Variants in CHRND observed in about 807,000 individuals in gnomAD.
CHRND encodes cholinergic receptor nicotinic delta subunit, also known as acetylcholine receptor subunit delta.
CHRND carries 40 observed loss-of-function variants against 57.8 expected under a neutral mutation model. The ratio of observed to expected loss-of-function variants is 0.69; its 90% CI spans 0.54 to 0.90. The LOEUF (loss-of-function observed/expected upper bound fraction) is 0.90, where lower values mean the gene tolerates loss of function less well. Ranked by LOEUF, CHRND falls within the 40% of genes least tolerant of loss-of-function variation. The pLI is 0.00. For missense variants in CHRND, 634 were observed against 673.9 expected (o/e 0.94, Z 0.66); for synonymous variants, 237 against 270.6 (o/e 0.88, Z 1.22).
At chr2:232,534,477 C>T in intron 11 of CHRND, 135 bp downstream of exon 11, 1 of 921,470 alleles carries the variant, frequency 1.1e-6, no homozygotes, top group Non-Finnish European at 1.7e-6. Flanking sequence ...ACACAGATTC[C>T]AGGCCCCCCC....
At chr2:232,527,547 A>G in intron 3 of CHRND, 102 bp downstream of exon 3, 1 of 884,784 alleles carries the variant, frequency 1.1e-6, no homozygotes. Context: ...GATCAAGACC[A>G]TCTTGGCTGA....
rs916036578 is a variant in CHRND, at chr2:232,535,538, C to T, written c.*226C>T. On this transcript the variant is annotated 3_prime_UTR_variant, in exon 12 of 12. Transcript: ENST00000258385. ...CATCGGCTACAGTGGGTGGGCAGGA[C>T]GATTTGGGGGGAGGCCCGAGGCTGG... is the stretch of plus-strand genomic sequence containing the variant. 4.1e-5 allele frequency: 29 copies of T among 705,370 alleles called. No homozygotes were observed. Among genetic ancestry groups the T allele is most frequent in the South Asian group, 4.5e-5 (3 of 66,950 alleles). 43.7% of individuals were successfully genotyped at this position (705,370 alleles called of 1,614,324 possible). A position where few individuals can be genotyped will look rare whatever the true frequency, so the allele number is the denominator to read the frequency against.
chr2:232,530,190 C>T (rs763425039), intron 7 of CHRND, 51 bp downstream of exon 7: 2 of 1,572,366 alleles, frequency 1.3e-6, no homozygotes, highest in South Asian at 2.2e-5. Flanking sequence ...CCCACCTGAG[C>T]ACAGCCAGCC....
At chr2:232,531,109 T>C (rs139301705) in intron 7 of CHRND, among the ~76,000 whole-genome samples, 52 of 152,218 alleles carry the variant, frequency 3.4e-4, no homozygotes, top group African/African-American at 1.1e-3. Context: ...ATTTAACAGT[T>C]GAGAAAACTG....
rs763545645 is a variant in CHRND at position 232,533,899 on chromosome 2, G to A, written c.1048-32G>A. 1.8e-5 allele frequency: 29 copies of A among 1,604,106 alleles called. No homozygotes were observed. In the East Asian group the frequency reaches 3.3e-4, roughly 19 times the overall value. On this transcript the variant is annotated intron_variant, in intron 9 of 11. Transcript: ENST00000258385. ...TCAAAAACAAAGAACAAAAAACAAC[G>A]CCTTTCTTGTGGCCCCTTGACATGG...
intron 11 of CHRND, 84 bp from the exon 12 acceptor site, chr2:232,535,046 C>A: frequency 6.5e-7 from 1 of 1,538,822 alleles, no homozygotes; most frequent in South Asian, 1.1e-5. Flanking sequence ...CCGCCCTCTG[C>A]CTCCATGGCT....
chr2:232,532,555 C>A (rs1270770537), intron 9 of CHRND, among the ~76,000 whole-genome samples: 1 of 151,142 alleles, frequency 6.6e-6, no homozygotes, highest in Non-Finnish European at 1.5e-5. Flanking sequence ...TGGACATATA[C>A]TCCCACGGGA....
intron 2 of CHRND, 151 bp downstream of exon 2, chr2:232,526,825 C>T (rs575837654): frequency 1.3e-6 from 1 of 788,048 alleles, no homozygotes; most frequent in African/African-American, 1.7e-5. Flanking sequence ...CCCTGAGAGG[C>T]TGCTGTCCTG....
chr2:232,530,425 T>C (rs774006295), intron 7 of CHRND, among the ~76,000 whole-genome samples: 11 of 152,158 alleles, frequency 7.2e-5, no homozygotes, highest in Non-Finnish European at 1.6e-4. Flanking sequence ...AGAGACCAAG[T>C]CCCTCACGGT....
At chr2:232,526,856 C>T (rs1453105490) in intron 2 of CHRND, among the ~76,000 whole-genome samples, 182 bp downstream of exon 2, 5 of 152,204 alleles carry the variant, frequency 3.3e-5, no homozygotes, top group Non-Finnish European at 5.9e-5. Context: ...GTCAGCTCTG[C>T]GGTGTCCCCC....
Position 232,535,359 on chromosome 2 carries a change from GC to G in CHRND, c.*49del. 6.2e-7 allele frequency: 1 copy of G among 1,601,662 alleles called. No homozygotes were observed. On this transcript the variant is annotated 3_prime_UTR_variant, in exon 12 of 12. Transcript: ENST00000258385. ...GGAGACAGCAGGGTCTGAGAGAGGA[GC>G]CACAGTCCCTAATGACACCCACTCC... is the stretch of plus-strand genomic sequence containing the variant.
rs115577037 is a variant in CHRND at position 232,535,080 on chromosome 2, T to G, written c.1372-50T>G. Reference sequence around the variant, plus strand: ...CTGGGCCCCAGCTTGGGGGTGGGGCTTTGTGGCCTGAGGCCCTTCTCACCC... The same window carrying G: ...CTGGGCCCCAGCTTGGGGGTGGGGCGTTGTGGCCTGAGGCCCTTCTCACCC... On this transcript the variant is annotated intron_variant, in intron 11 of 11. Coordinates refer to ENST00000258385, the MANE Select transcript of CHRND (RefSeq NM_000751.3). 1.2e-3 allele frequency: 1,945 copies of G among 1,606,916 alleles called. 20 individuals carry two copies. In the African/African-American group the frequency reaches 0.023, roughly 19 times the overall value.
intron 11 of CHRND, among the ~76,000 whole-genome samples, chr2:232,534,866 C>T (rs1186032581): frequency 1.3e-5 from 2 of 152,206 alleles, no homozygotes; most frequent in Non-Finnish European, 2.9e-5. Context: ...GGCCTCAGTT[C>T]CTCTCTAGCC....
In CHRND at chr2:232,528,323, G is replaced by A. The variant is rs147919651; in HGVS notation, c.305G>A (p.Arg102His). The A allele has an allele frequency of 1.2e-4, 198 of 1,614,078 alleles. No individual in the cohort carries two copies. The highest frequency in any genetic ancestry group is 1.5e-4 in the Non-Finnish European group (174 of 1,180,016). ...GAATTTGGAAACATCAGTGTCCTGCGCCTCCCCCCGGACATGGTGTGGCTC... is the reference window on the plus strand; with the variant it reads ...GAATTTGGAAACATCAGTGTCCTGCACCTCCCCCCGGACATGGTGTGGCTC... The part of the protein sequence containing the change: ...AEEFGNISVL[R>H]LPPDMVWLPE... The change falls in exon 4 of 12, where the codon CGC becomes CAC. Residue 102 changes from arginine (R) to histidine (H), a missense_variant. Physicochemically the swap from Arg to His is conservative, Grantham distance 29. Coordinates refer to ENST00000258385, the MANE Select transcript of CHRND (RefSeq NM_000751.3).
intron 6 of CHRND, 36 bp downstream of exon 6, chr2:232,529,007 C>A: frequency 6.8e-7 from 1 of 1,479,044 alleles, no homozygotes; most frequent in Non-Finnish European, 9.5e-7. Flanking sequence ...GGGCAGGTCC[C>A]TCAGACACAC....
chr2:232,531,687 C>G, intron 9 of CHRND, 31 bp downstream of exon 9: 1 of 1,567,342 alleles, frequency 6.4e-7, no homozygotes, highest in South Asian at 1.1e-5. Flanking sequence ...AAAAGCTCAC[C>G]ACTGTAATCC....
At chr2:232,531,103 AAC>A (rs1398216735) in intron 7 of CHRND, among the ~76,000 whole-genome samples, 1 of 152,172 alleles carries the variant, frequency 6.6e-6, no homozygotes, top group Non-Finnish European at 1.5e-5. Flanking sequence ...CACCACATTT[AAC>A]AGTTGAGAAA....
Position 232,535,009 on chromosome 2 carries a change from C to T in CHRND, c.1372-121C>T, listed in dbSNP as rs565081749. 527 of 1,167,716 alleles carry T rather than the reference C, an allele frequency of 4.5e-4. 3 individuals are homozygous for T. In the African/African-American group the frequency reaches 5.5e-3, roughly 12 times the overall value. The allele number at this position is 1,167,716 out of a possible 1,614,324, so 72.3% of individuals were successfully genotyped here. The stretch of plus-strand genomic sequence containing the variant: ...ACAAGCCAGCATTATCCTGCAAGCC[C>T]GAGGCAGCCTCTGCAGGCACACTGA... On this transcript the variant is annotated intron_variant, in intron 11 of 11. Coordinates refer to ENST00000258385, the MANE Select transcript of CHRND (RefSeq NM_000751.3).
At chr2:232,534,923 G>A (rs951076711) in intron 11 of CHRND, among the ~76,000 whole-genome samples, 9 of 152,204 alleles carry the variant, frequency 5.9e-5, no homozygotes, top group South Asian at 2.1e-4. Flanking sequence ...GTCTGTTCCC[G>A]CCTCCTCAAC....
Sources: gnomAD v4.1 joint callset for allele counts (sites outside exome capture counted in the v4.1 genomes callset) on GRCh38, gnomAD v4.1.1 for gene constraint, MANE v1.5 for transcripts, NCBI Gene and HGNC (gene_info 2026-07-23, HGNC 2026-07-21) for gene names.